CCDC7: variants seen among roughly 807,000 people sequenced by gnomAD.
CCDC7 encodes the protein coiled-coil domain containing 7, also known as coiled-coil domain-containing protein 7.
CCDC7 carries 183 observed loss-of-function variants against 196.9 expected under a neutral mutation model. The observed-to-expected ratio is 0.93, with a 90% CI of 0.82 to 1.05. The LOEUF (loss-of-function observed/expected upper bound fraction) is 1.05, where lower values mean the gene tolerates loss of function less well. CCDC7 is among the 50% of genes least tolerant of loss of function. CCDC7 has a pLI of 0.00. For missense variants in CCDC7, 1,540 were observed against 1,482.2 expected (o/e 1.04, Z -0.64); for synonymous variants, 525 against 484.6 (o/e 1.08, Z -1.10).
At chr10:32,667,897 C>T (rs1037887104) in intron 21 of CCDC7, among the ~76,000 whole-genome samples, 19 of 152,024 alleles carry the variant, frequency 1.2e-4, no homozygotes, top group Non-Finnish European at 1.6e-4. Flanking sequence ...TTTTTCCAAT[C>T]CTGTGAAGAA....
chr10:32,739,586 A>G (rs1266025869), intron 28 of CCDC7, among the ~76,000 whole-genome samples: 2 of 151,494 alleles, frequency 1.3e-5, no homozygotes, highest in Non-Finnish European at 2.9e-5. Context: ...AATTTCTGGT[A>G]TGATAATTTG....
At chr10:32,559,203 G>A (rs558251404) in intron 13 of CCDC7, among the ~76,000 whole-genome samples, 17 of 152,348 alleles carry the variant, frequency 1.1e-4, no homozygotes, top group Non-Finnish European at 1.8e-4. Flanking sequence ...GCTCAAGGAG[G>A]CCTGCCTGCC....
intron 29 of CCDC7, among the ~76,000 whole-genome samples, chr10:32,801,039 C>T (rs569832479): frequency 6.6e-6 from 1 of 152,188 alleles, no homozygotes; most frequent in Non-Finnish European, 1.5e-5. Context: ...TGAGTGCCAC[C>T]GCTTGGCCTC....
downstream of CCDC7, among the ~76,000 whole-genome samples, chr10:32,880,436 T>C (rs1367381470): frequency 6.6e-6 from 1 of 152,138 alleles, no homozygotes; most frequent in Non-Finnish European, 1.5e-5. Context: ...GTAGATTCTT[T>C]ATGTTAGACC....
chr10:32,500,787 G>A (rs1403899555), intron 9 of CCDC7, among the ~76,000 whole-genome samples: 1 of 152,258 alleles, frequency 6.6e-6, no homozygotes, highest in Admixed American at 6.5e-5. Flanking sequence ...GACTCCGTCT[G>A]CAATCCTGGC....
intron 18 of CCDC7, among the ~76,000 whole-genome samples, chr10:32,626,004 A>T (rs1277458703): frequency 6.6e-6 from 1 of 152,132 alleles, no homozygotes; most frequent in East Asian, 1.9e-4. Context: ...CTTGGCTATC[A>T]TGAATACTGC....
At chr10:32,446,234 A>G (rs2030930878) in exon 1 of CCDC7, 2 of 152,172 alleles carry the variant, frequency 1.3e-5, no homozygotes, top group South Asian at 2.1e-4. Context: ...CACAAACGTC[A>G]GTTTGTAAAA....
intron 11 of CCDC7, among the ~76,000 whole-genome samples, chr10:32,533,133 T>A (rs1480642138): frequency 6.6e-6 from 1 of 152,054 alleles, no homozygotes; most frequent in Non-Finnish European, 1.5e-5. Flanking sequence ...ATTACATGTT[T>A]TTGTGATGTG....
intron 28 of CCDC7, among the ~76,000 whole-genome samples, chr10:32,756,408 C>G (rs2076448401): frequency 6.6e-6 from 1 of 152,256 alleles, no homozygotes; most frequent in African/African-American, 2.4e-5. Flanking sequence ...CAGCGGATCT[C>G]TCCGCAGAAA....
rs150359198 is a variant in CCDC7, at chr10:32,597,883, A to T, written c.1801+13579A>T. Among the ~76,000 whole-genome samples, 425 of 152,266 alleles carry T rather than the reference A, an allele frequency of 2.8e-3. 2 individuals are homozygous for T. In the South Asian group the frequency reaches 0.03, roughly 11 times the overall value. Reference sequence around the variant, plus strand: ...TCTGGAAGCTTCGTCTCAGAGGGGCACCCGGCCTTATGAGGTGTCAGTCGC... The same window carrying T: ...TCTGGAAGCTTCGTCTCAGAGGGGCTCCCGGCCTTATGAGGTGTCAGTCGC... On this transcript the variant is annotated intron_variant, in intron 18 of 41. Transcript: ENST00000639629.
At position 32,702,998 on chromosome 10, in the gene CCDC7, GC is replaced by G. The variant is rs942457003; in HGVS notation, c.2458+8007del. On this transcript the variant is annotated intron_variant, in intron 24 of 41. Transcript: ENST00000639629. ...TGCCAGTCTGTGTCTTTTAATTGGAGCTTTTAGCCTATTTACATTTAAGGTT... is the reference window on the plus strand; with the variant it reads ...TGCCAGTCTGTGTCTTTTAATTGGAGTTTTAGCCTATTTACATTTAAGGTT... Among the ~76,000 whole-genome samples, 86 of 152,258 alleles carry G rather than the reference GC, an allele frequency of 5.6e-4. No homozygotes were observed. In the Middle Eastern group the frequency reaches 0.014, roughly 24 times the overall value.
intron 13 of CCDC7, among the ~76,000 whole-genome samples, chr10:32,560,948 G>A (rs2136642223): frequency 6.6e-6 from 1 of 151,802 alleles, no homozygotes; most frequent in East Asian, 1.9e-4. Context: ...GAGACACACA[G>A]GCTCAAAATA....
At chr10:32,668,464 G>C (rs1038277267) in intron 21 of CCDC7, among the ~76,000 whole-genome samples, 5 of 151,964 alleles carry the variant, frequency 3.3e-5, no homozygotes, top group African/African-American at 1.2e-4. Context: ...CAAAGGGAAT[G>C]CTTCCAGTTT....
At chr10:32,875,829 C>T (rs2094581485) in intron 41 of CCDC7, among the ~76,000 whole-genome samples, 1 of 151,948 alleles carries the variant, frequency 6.6e-6, no homozygotes, top group Non-Finnish European at 1.5e-5. Context: ...TTGTGGTTTA[C>T]AAATTGGCCT....
At chr10:32,582,024 C>T (rs1320948174) in intron 16 of CCDC7, among the ~76,000 whole-genome samples, 2 of 147,174 alleles carry the variant, frequency 1.4e-5, no homozygotes, top group Non-Finnish European at 3.0e-5. Flanking sequence ...ATTCTCTTTA[C>T]TTTTAATATG....
At chr10:32,867,945 C>T (rs2136679535) in intron 41 of CCDC7, among the ~76,000 whole-genome samples, 1 of 152,020 alleles carries the variant, frequency 6.6e-6, no homozygotes, top group African/African-American at 2.4e-5. Context: ...CAGTTCCTGG[C>T]AACCATCATT....
intron 28 of CCDC7, among the ~76,000 whole-genome samples, chr10:32,775,641 A>G (rs2079895328): frequency 6.6e-6 from 1 of 152,110 alleles, no homozygotes; most frequent in African/African-American, 2.4e-5. Flanking sequence ...CATATTTTCG[A>G]AGGAAATATA....
intron 20 of CCDC7, among the ~76,000 whole-genome samples, chr10:32,642,463 A>G (rs1241642369): frequency 6.6e-6 from 1 of 152,136 alleles, no homozygotes; most frequent in Non-Finnish European, 1.5e-5. Context: ...TGCGGGATAT[A>G]ATCTCCTGGT....
At chr10:32,693,948 A>G (rs2077384446) in intron 23 of CCDC7, among the ~76,000 whole-genome samples, 1 of 152,218 alleles carries the variant, frequency 6.6e-6, no homozygotes, top group African/African-American at 2.4e-5. Context: ...GTAGGCTGCA[A>G]AACATGTGAA....
Sources: gnomAD v4.1 joint callset for allele counts (sites outside exome capture counted in the v4.1 genomes callset) on GRCh38, gnomAD v4.1.1 for gene constraint, MANE v1.5 for transcripts, NCBI Gene and HGNC (gene_info 2026-07-23, HGNC 2026-07-21) for gene names.